SFMBT2: variants seen among roughly 807,000 people sequenced by gnomAD.
SFMBT2 encodes Scm like with four mbt domains 2, also known as scm-like with four MBT domains protein 2.
A neutral mutation model predicts 110.1 loss-of-function variants in SFMBT2; 38 were observed. The observed-to-expected ratio is 0.35, with a 90% CI of 0.27 to 0.45. SFMBT2 has a LOEUF of 0.45. Ranked by LOEUF, SFMBT2 falls within the 20% of genes least tolerant of loss-of-function variation. The pLI, the probability that SFMBT2 is intolerant of heterozygous loss-of-function variation, is 1.00. For synonymous variants in SFMBT2, 425 were observed against 425.4 expected (o/e 1.00, Z 0.01); for missense variants, 1,011 against 1,094.9 (o/e 0.92, Z 1.08).
chr10:7,377,288 G>A (rs908033066), intron 2 of SFMBT2, among the ~76,000 whole-genome samples: 4 of 151,846 alleles, frequency 2.6e-5, no homozygotes, highest in Non-Finnish European at 5.9e-5. Context: ...AGTCACTTGC[G>A]AGGGAGACAG....
intron 4 of SFMBT2, among the ~76,000 whole-genome samples, chr10:7,329,945 A>G (rs1381869072): frequency 1.3e-5 from 2 of 152,210 alleles, no homozygotes; most frequent in African/African-American, 4.8e-5. Context: ...CCTCAATGCA[A>G]GAAATGTCAA....
intron 1 of SFMBT2, among the ~76,000 whole-genome samples, chr10:7,398,491 T>C (rs1004803223): frequency 6.6e-6 from 1 of 152,244 alleles, no homozygotes; most frequent in Admixed American, 6.5e-5. Flanking sequence ...AACAGGTCTT[T>C]GCATCAAGGT....
At chr10:7,363,742 C>A (rs1359254085) in intron 4 of SFMBT2, among the ~76,000 whole-genome samples, 2 of 152,054 alleles carry the variant, frequency 1.3e-5, no homozygotes, top group Admixed American at 6.6e-5. Flanking sequence ...GATGAGAACC[C>A]CAAGAAGGGG....
chr10:7,393,020 TA>T (rs1564473087), intron 1 of SFMBT2, among the ~76,000 whole-genome samples: 6 of 75,048 alleles, frequency 8.0e-5, no homozygotes, highest in Admixed American at 3.4e-4. Context: ...TATATATATA[TA>T]TATATATATA....
chr10:7,315,806 G>A (rs895832572), intron 4 of SFMBT2, among the ~76,000 whole-genome samples: 6 of 152,146 alleles, frequency 3.9e-5, no homozygotes, highest in Admixed American at 3.9e-4. Context: ...TCTGATCCTC[G>A]GTTTCCACAG....
upstream of SFMBT2, chr10:7,411,200 G>T (rs1180023288): frequency 6.6e-6 from 1 of 151,526 alleles, no homozygotes; most frequent in Admixed American, 6.6e-5. Context: ...CCTGCGGGAC[G>T]TGATCGGCTC....
chr10:7,250,977 T>C (rs1186488607), intron 7 of SFMBT2, among the ~76,000 whole-genome samples: 1 of 152,114 alleles, frequency 6.6e-6, no homozygotes, highest in Non-Finnish European at 1.5e-5. Flanking sequence ...TAAACCAACA[T>C]TGACTTGCTA....
In SFMBT2 at chr10:7,172,866, T is replaced by A. The variant is rs1429146867; in HGVS notation, c.1985-205A>T. ...AGGTGTTCGGGCTGAACTTGGCCCG[T>A]CCCCAGTGTTGAAGCCCAAACCCCC... On this transcript the variant is annotated intron_variant, in intron 17 of 20. Coordinates refer to ENST00000397167, the MANE Select transcript of SFMBT2 (RefSeq NM_001387889.1). The surrounding 1 kb of genome is among the most constrained non-coding windows in gnomAD (Gnocchi z 4.6). Among the ~76,000 whole-genome samples the A allele has an allele frequency of 6.6e-6, 1 of 152,124 alleles. No individual in the cohort carries two copies. Among genetic ancestry groups the A allele is most frequent in the East Asian group, 1.9e-4 (1 of 5,188 alleles).
At chr10:7,274,833 T>C (rs2131819601) in intron 7 of SFMBT2, among the ~76,000 whole-genome samples, 1 of 151,912 alleles carries the variant, frequency 6.6e-6, no homozygotes, top group East Asian at 1.9e-4. Context: ...CCAGCCTGGG[T>C]TACAGAGTGA....
At chr10:7,290,056 A>G (rs1842217041) in intron 4 of SFMBT2, among the ~76,000 whole-genome samples, 1 of 152,204 alleles carries the variant, frequency 6.6e-6, no homozygotes, top group African/African-American at 2.4e-5. Context: ...AAATTGAAGG[A>G]CCAATCCACA....
chr10:7,309,538 G>T (rs940474419), intron 4 of SFMBT2, among the ~76,000 whole-genome samples: 1 of 152,162 alleles, frequency 6.6e-6, no homozygotes, highest in Admixed American at 6.5e-5. Context: ...CACATGGAAC[G>T]GGGGTGTATA....
chr10:7,200,517 C>T (rs781536138), intron 13 of SFMBT2, 33 bp from the exon 14 acceptor site: 2 of 1,560,950 alleles, frequency 1.3e-6, no homozygotes, highest in Non-Finnish European at 1.7e-6. Context: ...TATCAGGGAC[C>T]ACAAGCTTTA....
chr10:7,305,569 GA>G (rs1247553502), intron 4 of SFMBT2, among the ~76,000 whole-genome samples: 1 of 152,228 alleles, frequency 6.6e-6, no homozygotes, highest in Non-Finnish European at 1.5e-5. Context: ...ATGATGCAAG[GA>G]AACAGGAAAA....
chr10:7,329,440 A>G, intron 4 of SFMBT2: 1 of 985,396 alleles, frequency 1.0e-6, no homozygotes, highest in Non-Finnish European at 1.2e-6. Flanking sequence ...CCACAACCAC[A>G]AAAGCGGTGA....
chr10:7,358,069 C>A (rs1238843562), intron 4 of SFMBT2, among the ~76,000 whole-genome samples: 1 of 151,848 alleles, frequency 6.6e-6, no homozygotes, highest in Non-Finnish European at 1.5e-5. Context: ...AGAACATCTG[C>A]ATGGGCCTAG....
chr10:7,353,222 A>G (rs1031289014), intron 4 of SFMBT2, among the ~76,000 whole-genome samples: 10 of 152,094 alleles, frequency 6.6e-5, no homozygotes, highest in South Asian at 2.1e-4. Context: ...TAGAACCCCA[A>G]TATGCACTGA....
At chr10:7,299,734 T>C (rs1455060951) in intron 4 of SFMBT2, among the ~76,000 whole-genome samples, 1 of 152,208 alleles carries the variant, frequency 6.6e-6, no homozygotes, top group Non-Finnish European at 1.5e-5. Flanking sequence ...CATTTATTTA[T>C]ATATTAAACA....
rs56281736 is a variant in SFMBT2 at position 7,408,149 on chromosome 10, G to A, written c.-52+2712C>T. Among the ~76,000 whole-genome samples the A allele has an allele frequency of 0.019, 2,833 of 152,380 alleles. 42 individuals are homozygous for A. Among genetic ancestry groups the A allele is most frequent in the Non-Finnish European group, 0.027 (1,827 of 68,036 alleles). On this transcript the variant is annotated intron_variant, in intron 1 of 20. Transcript: ENST00000397167. The surrounding 1 kb of genome is among the most constrained non-coding windows in gnomAD (Gnocchi z 5.7). ...GTCAGGAGGACAAGGGGAGGGGTTC[G>A]CGGCTGAAACTGCAGCTTCGCAGCA...
At chr10:7,167,405 G>A (rs558072111) in intron 20 of SFMBT2, among the ~76,000 whole-genome samples, 1 of 152,256 alleles carries the variant, frequency 6.6e-6, no homozygotes, top group African/African-American at 2.4e-5. Flanking sequence ...GAAATAAAAG[G>A]CACAGACGCT....
Sources: gnomAD v4.1 joint callset for allele counts (sites outside exome capture counted in the v4.1 genomes callset) on GRCh38, gnomAD v4.1.1 for gene constraint, Gnocchi (gnomAD v3.1) non-coding constraint, MANE v1.5 for transcripts, NCBI Gene and HGNC (gene_info 2026-07-23, HGNC 2026-07-21) for gene names.